ABTB2: variants seen among roughly 807,000 people sequenced by gnomAD.
The protein encoded by ABTB2 is ankyrin repeat and BTB/POZ domain-containing protein 2.
ABTB2 carries 56 observed loss-of-function variants against 104.1 expected under a neutral mutation model. The observed-to-expected ratio is 0.54, with a 90% CI of 0.43 to 0.67. The LOEUF is 0.67. ABTB2 is among the 30% of genes least tolerant of loss of function. The pLI, the probability that ABTB2 is intolerant of heterozygous loss-of-function variation, is 0.00. For missense variants in ABTB2, 1,279 were observed against 1,407.7 expected, an observed-to-expected ratio of 0.91 and a Z score of 1.46; for synonymous variants, 606 against 608.2, an observed-to-expected ratio of 1.00 and a Z score of 0.05.
intron 1 of ABTB2, among the ~76,000 whole-genome samples, chr11:34,264,513 A>C (rs1854224958): frequency 6.6e-6 from 1 of 152,248 alleles, no homozygotes; most frequent in Non-Finnish European, 1.5e-5. Flanking sequence ...AAACTTGCTC[A>C]GAAAATCTGA....
At chr11:34,161,936 G>T (rs1852726589) in intron 10 of ABTB2, among the ~76,000 whole-genome samples, 1 of 152,192 alleles carries the variant, frequency 6.6e-6, no homozygotes, top group South Asian at 2.1e-4. Context: ...CCCGGCCCTG[G>T]GGGTTTGTGG....
intron 1 of ABTB2, among the ~76,000 whole-genome samples, chr11:34,217,653 G>C (rs904792198): frequency 6.6e-6 from 1 of 152,058 alleles, no homozygotes; most frequent in Non-Finnish European, 1.5e-5. Context: ...GTAGAGACGG[G>C]GTTTCTCCAT....
intron 4 of ABTB2, among the ~76,000 whole-genome samples, chr11:34,172,032 T>C (rs1372699047): frequency 1.3e-5 from 2 of 151,810 alleles, no homozygotes; most frequent in East Asian, 3.9e-4. Context: ...GGGCCTTCCG[T>C]ATGAAGACAG....
At chr11:34,190,265 G>GCC (rs141540522) in intron 3 of ABTB2, among the ~76,000 whole-genome samples, 17 of 72,454 alleles carry the variant, frequency 2.3e-4, no homozygotes, top group South Asian at 9.6e-4. Flanking sequence ...CTGCCCCGCT[G>GCC]CCCCCCCAAA....
Position 34,356,818 on chromosome 11 carries a change from C to A in ABTB2, c.766G>T (p.Gly256Trp). 1 of 1,607,594 alleles carries A rather than the reference C, an allele frequency of 6.2e-7. No individual in the cohort carries two copies. The highest frequency in any genetic ancestry group is 8.5e-7 in the Non-Finnish European group (1 of 1,177,124). ...VMASHSPDGG[G>W]AGGGEVSAEA... is the part of the protein sequence containing the mutation. ...GCAGACACCTCCCCGCCTCCGGCCC[C>A]TCCGCCATCAGGGCTGTGGCTGGCC... Residue 256 changes from glycine to tryptophan, a missense_variant, in exon 1 of 17, where the codon GGG (glycine) becomes TGG (tryptophan). Physicochemically the swap from Gly to Trp is radical, Grantham distance 184. Coordinates refer to ENST00000435224, the MANE Select transcript of ABTB2 (RefSeq NM_145804.3). This position sits in a 1 kb window ranked among gnomAD's most constrained non-coding sequence, Gnocchi z 4.6.
At chr11:34,209,617 G>A (rs1374494144) in intron 1 of ABTB2, among the ~76,000 whole-genome samples, 1 of 5,042 alleles carries the variant, frequency 2.0e-4, no homozygotes, top group Admixed American at 1.3e-3. Context: ...TAGGGGTGGG[G>A]GTGAGGGGTA....
chr11:34,317,964 T>G, intron 1 of ABTB2, among the ~76,000 whole-genome samples: 2 of 86,560 alleles, frequency 2.3e-5, no homozygotes, highest in Non-Finnish European at 4.6e-5. Context: ...CACGTCCCCC[T>G]CCCCTACCTC....
intron 14 of ABTB2, among the ~76,000 whole-genome samples, chr11:34,158,703 T>G (rs563226540): frequency 2.0e-5 from 3 of 152,374 alleles, no homozygotes; most frequent in African/African-American, 7.2e-5. Context: ...CTGCCCTGAC[T>G]GGAGTTTCTA....
rs1590203786 is a variant in ABTB2, at chr11:34,164,746, A to G, written c.1928T>C (p.Met643Thr). ...PLLSMLEAHG[M>T]GSSLHEDMNC... ...CATGTCCTCGTGGAGGGAGGAGCCCATGCCGTGGGCCTCCAGCATGCTGAG... is the reference window on the plus strand; with the variant it reads ...CATGTCCTCGTGGAGGGAGGAGCCCGTGCCGTGGGCCTCCAGCATGCTGAG... Residue 643 changes from methionine to threonine, a missense_variant, in exon 9 of 17, where the codon ATG becomes ACG. Physicochemically the swap from Met to Thr is moderately conservative, Grantham distance 81 (BLOSUM62 -1). Coordinates refer to ENST00000435224, the MANE Select transcript of ABTB2 (RefSeq NM_145804.3). The G allele has an allele frequency of 1.3e-6, 2 of 1,557,744 alleles. No individual in the cohort carries two copies. Among genetic ancestry groups the G allele is most frequent in the African/African-American group, 1.4e-5 (1 of 70,510 alleles).
chr11:34,160,965 A>G lies in ABTB2; in HGVS notation c.2335T>C (p.Tyr779His). The stretch of plus-strand genomic sequence containing the variant: ...CCCTCGGTCACCAGCTCCTCGTTGT[A>G]CTCCTCCTCTCTGATGGAGCTGAAG... ...RDFSSIREEE[Y>H]NEELVTEGLQ... Residue 779 changes from tyrosine to histidine, a missense_variant, in exon 11 of 17, where the codon TAC (tyrosine) becomes CAC (histidine). Physicochemically the swap from Tyr to His is moderately conservative, Grantham distance 83. Transcript: ENST00000435224. 1 of 1,612,476 alleles carries G rather than the reference A, an allele frequency of 6.2e-7. No individual in the cohort carries two copies. The highest frequency in any genetic ancestry group is 8.5e-7 in the Non-Finnish European group (1 of 1,179,418).
chr11:34,298,532 G>A (rs1039597896), intron 1 of ABTB2, among the ~76,000 whole-genome samples: 2 of 151,442 alleles, frequency 1.3e-5, no homozygotes, highest in East Asian at 1.9e-4. Flanking sequence ...GCATGATCTC[G>A]GCTCACTACA....
chr11:34,248,855 GC>G (rs2133067707), intron 1 of ABTB2, among the ~76,000 whole-genome samples: 1 of 152,364 alleles, frequency 6.6e-6, no homozygotes, highest in Non-Finnish European at 1.5e-5. Flanking sequence ...CCACAGCCGG[GC>G]GCGGTGGCTC....
chr11:34,309,684 T>G (rs12289087), intron 1 of ABTB2, among the ~76,000 whole-genome samples: 6,244 of 152,020 alleles, frequency 0.041, 186 homozygotes, highest in African/African-American at 0.091. Context: ...TCAAAACCAT[T>G]GGAGAAAAGA....
At chr11:34,261,419 G>GAA (rs1211773040) in intron 1 of ABTB2, among the ~76,000 whole-genome samples, 1 of 151,478 alleles carries the variant, frequency 6.6e-6, no homozygotes, top group Non-Finnish European at 1.5e-5. Context: ...ACATTTGAAA[G>GAA]AAAATTTAAC....
chr11:34,168,018 A>C (rs548422189), intron 5 of ABTB2, 26 bp from the exon 6 acceptor site: 3 of 1,606,936 alleles, frequency 1.9e-6, no homozygotes, highest in Non-Finnish European at 2.6e-6. Context: ...GCACGTGCTA[A>C]ACTGTTTGCA....
intron 1 of ABTB2, among the ~76,000 whole-genome samples, chr11:34,264,339 G>A (rs372735651): frequency 6.6e-6 from 1 of 152,188 alleles, no homozygotes; most frequent in African/African-American, 2.4e-5. Flanking sequence ...GGCACATGGC[G>A]ATGTGTCTCT....
chr11:34,253,336 AC>A (rs1387479991), intron 1 of ABTB2, among the ~76,000 whole-genome samples: 1 of 152,210 alleles, frequency 6.6e-6, no homozygotes, highest in Non-Finnish European at 1.5e-5. Context: ...TTGCAGACAG[AC>A]CTGCACAGCT....
intron 1 of ABTB2, among the ~76,000 whole-genome samples, chr11:34,292,750 G>T (rs987924068): frequency 6.6e-6 from 1 of 152,148 alleles, no homozygotes; most frequent in Admixed American, 6.5e-5. Context: ...GTCAGGGAGG[G>T]CTGCCTGGAG....
intron 1 of ABTB2, among the ~76,000 whole-genome samples, chr11:34,210,405 T>C (rs1366909778): frequency 1.3e-5 from 2 of 152,214 alleles, no homozygotes; most frequent in Admixed American, 6.5e-5. Flanking sequence ...TATGGTTTAA[T>C]TTCCTCCAGA....
Sources: gnomAD v4.1 joint callset for allele counts (sites outside exome capture counted in the v4.1 genomes callset) on GRCh38, gnomAD v4.1.1 for gene constraint, Gnocchi (gnomAD v3.1) non-coding constraint, MANE v1.5 for transcripts, NCBI Gene and HGNC (gene_info 2026-07-23, HGNC 2026-07-21) for gene names.